SUSD3: variants seen among roughly 807,000 people sequenced by gnomAD.
SUSD3 encodes sushi domain containing 3.
In SUSD3, 18 loss-of-function variants were observed where a neutral mutation model predicts 20.6. The ratio of observed to expected loss-of-function variants is 0.87; its 90% CI spans 0.60 to 1.30. The LOEUF is 1.30. Ranked by LOEUF, SUSD3 falls within the 50% of genes most tolerant of loss-of-function variation. The pLI, the probability that SUSD3 is intolerant of heterozygous loss-of-function variation, is 0.00. For synonymous variants in SUSD3, 137 were observed against 141.5 expected (o/e 0.97, Z 0.23); for missense variants, 306 against 346.9 (o/e 0.88, Z 0.94).
intron 1 of SUSD3, among the ~76,000 whole-genome samples, chr9:93,062,008 G>A (rs562055692): frequency 2.0e-5 from 3 of 152,368 alleles, no homozygotes; most frequent in Non-Finnish European, 2.9e-5. Context: ...TGGAGGGGCC[G>A]ACCTGAGGTC....
At position 93,058,707 on chromosome 9, in the gene SUSD3, C is replaced by G. The variant is rs1825376566; in HGVS notation, c.-36C>G. 4 of 1,208,878 alleles carry G rather than the reference C, an allele frequency of 3.3e-6. No homozygotes were observed. The highest frequency in any genetic ancestry group is 4.1e-6 in the Non-Finnish European group (4 of 966,838). 74.9% of individuals were successfully genotyped at this position (1,208,878 alleles called of 1,614,324 possible). On this transcript the variant is annotated 5_prime_UTR_variant, in exon 1 of 5. Coordinates refer to ENST00000375472, the MANE Select transcript of SUSD3 (RefSeq NM_145006.4). ...GCCCCCACAAGCCGGGCTCACTCCC[C>G]TGGCAGACCCCGCCAAGCGCCTCGG...
At chr9:93,081,257 T>C (rs947508821) in intron 4 of SUSD3, among the ~76,000 whole-genome samples, 34 of 152,290 alleles carry the variant, frequency 2.2e-4, no homozygotes, top group Non-Finnish European at 4.7e-4. Context: ...CCTGTTTCTG[T>C]GGGTGGAGAA....
Position 93,084,899 on chromosome 9 carries a change from C to A in SUSD3, c.*152C>A. ...CCAGGTGTAGGGACCCCTTGAGGGG[C>A]CGAGCTGACATCCAAGGCTGAGGAC... On this transcript the variant is annotated 3_prime_UTR_variant, in exon 5 of 5. Transcript: ENST00000375472. The A allele has an allele frequency of 3.0e-6, 2 of 660,112 alleles. No individual in the cohort carries two copies. The highest frequency in any genetic ancestry group is 1.9e-5 in the African/African-American group (1 of 52,804). 40.9% of individuals were successfully genotyped at this position (660,112 alleles called of 1,614,324 possible).
At chr9:93,077,067 G>A (rs1201740050) in intron 2 of SUSD3, among the ~76,000 whole-genome samples, 2 of 152,240 alleles carry the variant, frequency 1.3e-5, no homozygotes, top group Non-Finnish European at 2.9e-5. Context: ...ATGGGAAATG[G>A]GGCAGGGGAC....
At position 93,075,811 on chromosome 9, in the gene SUSD3, C is replaced by T. The variant is rs375951067; in HGVS notation, c.116C>T (p.Pro39Leu). Reference sequence around the variant, plus strand: ...ACGTGCGCTAAGCTGCGGCTACCCCCGCAAGCAACCTTCCAAGTCCTTCGT... The same window carrying T: ...ACGTGCGCTAAGCTGCGGCTACCCCTGCAAGCAACCTTCCAAGTCCTTCGT... Reference protein sequence around the residue: ...TGTCAKLRLPPQATFQVLRGN... With the variant: ...TGTCAKLRLPLQATFQVLRGN... Residue 39 changes from proline to leucine, a missense_variant, in exon 2 of 5, where the codon CCG becomes CTG. Coordinates refer to ENST00000375472, the MANE Select transcript of SUSD3 (RefSeq NM_145006.4). 4.5e-5 allele frequency: 73 copies of T among 1,612,522 alleles called. No individual in the cohort carries two copies. Among genetic ancestry groups the T allele is most frequent in the Non-Finnish European group, 5.7e-5 (67 of 1,179,626 alleles).
chr9:93,063,952 A>G (rs1447928325), intron 1 of SUSD3, among the ~76,000 whole-genome samples: 2 of 152,044 alleles, frequency 1.3e-5, no homozygotes, highest in East Asian at 3.8e-4. Context: ...ATCGTTCTAT[A>G]CTTTTATTTG....
At chr9:93,082,310 C>CTTTT (rs561486543) in intron 4 of SUSD3, among the ~76,000 whole-genome samples, 118 of 87,202 alleles carry the variant, frequency 1.4e-3, no homozygotes, top group Non-Finnish European at 1.7e-3. Context: ...GGCCTCTTTC[C>CTTTT]TTTTTTTTTT....
At chr9:93,070,810 G>A (rs1233259928) in intron 1 of SUSD3, among the ~76,000 whole-genome samples, 7 of 152,222 alleles carry the variant, frequency 4.6e-5, no homozygotes, top group East Asian at 1.9e-4. Context: ...CCGTGTGTTC[G>A]TTTCTGTACT....
At chr9:93,059,952 T>C (rs946514744) in intron 1 of SUSD3, among the ~76,000 whole-genome samples, 1 of 152,196 alleles carries the variant, frequency 6.6e-6, no homozygotes, top group Non-Finnish European at 1.5e-5. Flanking sequence ...TGATGAGCAC[T>C]TTTGCTCCTG....
chr9:93,073,235 G>C (rs1203656508), intron 1 of SUSD3, among the ~76,000 whole-genome samples: 1 of 149,986 alleles, frequency 6.7e-6, no homozygotes, highest in Non-Finnish European at 1.5e-5. Flanking sequence ...ACGGCCTGCT[G>C]TCCCTGTTCT....
Position 93,075,965 on chromosome 9 carries a change from G to A in SUSD3, c.270G>A (p.Val90=), listed in dbSNP as rs377039386. The part of the protein sequence containing the change: ...SIAEWSSGSP[V]CKLVPPHETF... Reference sequence around the variant, plus strand: ...CTGAGTGGTCTTCAGGGTCCCCAGTGTGCAAACGTAAGGACCCCTCTCTCA... The same window carrying A: ...CTGAGTGGTCTTCAGGGTCCCCAGTATGCAAACGTAAGGACCCCTCTCTCA... Residue 90 remains valine (V), a synonymous_variant, in exon 2 of 5, where the codon GTG becomes GTA. Transcript: ENST00000375472. 6.3e-7 allele frequency: 1 copy of A among 1,599,270 alleles called. No individual in the cohort carries two copies. The highest frequency in any genetic ancestry group is 8.5e-7 in the Non-Finnish European group (1 of 1,170,238).
At chr9:93,079,116 T>C (rs1467421354) in intron 3 of SUSD3, among the ~76,000 whole-genome samples, 1 of 152,220 alleles carries the variant, frequency 6.6e-6, no homozygotes, top group East Asian at 1.9e-4. Flanking sequence ...CTTAACCTTT[T>C]TAACGTCTAC....
At chr9:93,076,018 G>A in intron 2 of SUSD3, 46 bp downstream of exon 2, 4 of 1,509,470 alleles carry the variant, frequency 2.6e-6, no homozygotes, top group Admixed American at 1.9e-5. Flanking sequence ...GTGGGGGATG[G>A]CCCCAAATCC....
At chr9:93,077,287 G>T (rs1293278894) in intron 2 of SUSD3, among the ~76,000 whole-genome samples, 3 of 152,012 alleles carry the variant, frequency 2.0e-5, no homozygotes, top group Non-Finnish European at 4.4e-5. Flanking sequence ...CCACCTTGGG[G>T]CATTGTGAAA....
At chr9:93,078,026 G>T in intron 3 of SUSD3, 33 bp downstream of exon 3, 1 of 1,613,682 alleles carries the variant, frequency 6.2e-7, no homozygotes, top group African/African-American at 1.3e-5. Context: ...GGGTCCTCCC[G>T]GGAGGCGCCT....
intron 1 of SUSD3, among the ~76,000 whole-genome samples, chr9:93,063,456 T>C (rs958804596): frequency 6.6e-6 from 1 of 152,268 alleles, no homozygotes; most frequent in South Asian, 2.1e-4. Flanking sequence ...GGGATGGGTC[T>C]TGTCAGGATC....
chr9:93,084,427 C>T, intron 4 of SUSD3, 110 bp from the exon 5 acceptor site: 1 of 992,892 alleles, frequency 1.0e-6, no homozygotes, highest in Non-Finnish European at 1.4e-6. Flanking sequence ...GTGCTCAGGG[C>T]AGCAGTTGCC....
At chr9:93,065,128 A>C (rs918426015) in intron 1 of SUSD3, among the ~76,000 whole-genome samples, 1 of 152,092 alleles carries the variant, frequency 6.6e-6, no homozygotes, top group Admixed American at 6.5e-5. Context: ...TGCCCAGGGG[A>C]TCAGTTACAT....
chr9:93,084,398 G>T (rs1826558183), intron 4 of SUSD3, 139 bp from the exon 5 acceptor site: 5 of 710,528 alleles, frequency 7.0e-6, no homozygotes, highest in Middle Eastern at 3.0e-4. Context: ...GCTCCCAGCA[G>T]GAGGAAACGG....
Sources: gnomAD v4.1 joint callset for allele counts (sites outside exome capture counted in the v4.1 genomes callset) on GRCh38, gnomAD v4.1.1 for gene constraint, MANE v1.5 for transcripts, NCBI Gene and HGNC (gene_info 2026-07-23, HGNC 2026-07-21) for gene names.